ACADS: variants seen among roughly 807,000 people sequenced by gnomAD.
ACADS encodes the protein short-chain specific acyl-CoA dehydrogenase, mitochondrial.
Under a neutral mutation model 46.8 loss-of-function variants are expected in ACADS, and 28 were observed. The ratio of observed to expected loss-of-function variants is 0.60; its 90% CI spans 0.44 to 0.82. The LOEUF is 0.82. Among genes scored for constraint, ACADS ranks in the 40% least tolerant of loss-of-function variants. ACADS has a pLI of 0.00. For synonymous variants in ACADS, 236 were observed against 237.7 expected, an observed-to-expected ratio of 0.99 and a Z score of 0.07; for missense variants, 528 against 578.0, an observed-to-expected ratio of 0.91 and a Z score of 0.89.
In ACADS at chr12:120,736,920, G is replaced by C. The variant is rs1592939256; in HGVS notation, c.211-66G>C. On this transcript the variant is annotated intron_variant, in intron 2 of 9. Coordinates refer to ENST00000242592, the MANE Select transcript of ACADS (RefSeq NM_000017.4). ...CACTGCCTCGGGGGCAGGAGGGTTT[G>C]GGCTTGGGGAGGGTGGGCTCGCCCC... The C allele has an allele frequency of 8.6e-6, 13 of 1,513,488 alleles. No individual in the cohort carries two copies. In the East Asian group the frequency reaches 3.1e-4, roughly 37 times the overall value. The allele number at this position is 1,513,488 out of a possible 1,614,324, so 93.8% of individuals were successfully genotyped here. A position where few individuals can be genotyped will look rare whatever the true frequency, so the allele number is the denominator to read the frequency against.
chr12:120,737,419 C>A lies in ACADS; in HGVS notation c.424C>A (p.Pro142Thr). The change falls in exon 4 of 10, where the codon CCT (proline) becomes ACT (threonine). Residue 142 changes from proline (P) to threonine (T), a missense_variant. Coordinates refer to ENST00000242592, the MANE Select transcript of ACADS (RefSeq NM_000017.4). ...GGAGCAGAAGCAGGCGTGGGTCACGCCTTTCACCAGTGGTGACAAAATTGG... is the reference window on the plus strand; with the variant it reads ...GGAGCAGAAGCAGGCGTGGGTCACGACTTTCACCAGTGGTGACAAAATTGG... The part of the protein sequence containing the change: ...SKEQKQAWVT[P>T]FTSGDKIGCF... 6.2e-7 allele frequency: 1 copy of A among 1,614,184 alleles called. No individual in the cohort carries two copies. The highest frequency in any genetic ancestry group is 8.5e-7 in the Non-Finnish European group (1 of 1,180,028).
At chr12:120,733,637 C>T (rs983049819) in intron 2 of ACADS, among the ~76,000 whole-genome samples, 8 of 151,152 alleles carry the variant, frequency 5.3e-5, no homozygotes, top group African/African-American at 2.0e-4. Flanking sequence ...GACCCCCCTC[C>T]CCAGGTGTGT....
chr12:120,739,981 TGTGG>T lies in ACADS; in HGVS notation c.*536_*539del, dbSNP rs1883610052. On this transcript the variant is annotated 3_prime_UTR_variant, in exon 10 of 10. Transcript: ENST00000242592. ...TGGTGATTCATGCTGTGTGACTGAC[TGTGG>T]GTAATAAACACACCTGTCCCCCAGT... 1 of 167,716 alleles carries T rather than the reference TGTGG, an allele frequency of 6.0e-6. No homozygotes were observed. Among genetic ancestry groups the T allele is most frequent in the Admixed American group, 5.7e-5 (1 of 17,590 alleles). 10.4% of individuals were successfully genotyped at this position (167,716 alleles called of 1,614,324 possible).
At chr12:120,731,776 A>G (rs1225009574) in intron 2 of ACADS, among the ~76,000 whole-genome samples, 3 of 151,680 alleles carry the variant, frequency 2.0e-5, no homozygotes, top group African/African-American at 4.8e-5. Context: ...TAGGCAGAGG[A>G]CCCTGCGGCC....
At chr12:120,727,216 G>A (rs560901395) in intron 2 of ACADS, 27 bp downstream of exon 2, 13 of 1,613,516 alleles carry the variant, frequency 8.1e-6, no homozygotes, top group East Asian at 2.2e-5. Flanking sequence ...AGCAGCCCAC[G>A]ATAGTGGTCT....
intron 2 of ACADS, among the ~76,000 whole-genome samples, chr12:120,734,469 G>A (rs889066678): frequency 2.0e-5 from 3 of 152,142 alleles, no homozygotes; most frequent in South Asian, 2.1e-4. Flanking sequence ...ATGACGCTCC[G>A]CCCCGCACTT....
rs11405010 is a variant in ACADS, at chr12:120,733,850, CA to C, written c.211-3118del. Reference sequence around the variant, plus strand: ...CAACATAGCAAGACCCCATCTCTACCAAAAAAAAAAAAAAAAAATAGAAAAA... The same window carrying C: ...CAACATAGCAAGACCCCATCTCTACCAAAAAAAAAAAAAAAAATAGAAAAA... On this transcript the variant is annotated intron_variant, in intron 2 of 9. Coordinates refer to ENST00000242592, the MANE Select transcript of ACADS (RefSeq NM_000017.4). Among the ~76,000 whole-genome samples the C allele has an allele frequency of 8.5e-3, 1,021 of 119,650 alleles. 4 individuals are homozygous for C. The highest frequency in any genetic ancestry group is 0.017 in the Admixed American group (193 of 11,630). The allele number at this position is 119,650 out of a possible 152,430, so 78.5% of individuals were successfully genotyped here. A position where few individuals can be genotyped will look rare whatever the true frequency, so the allele number is the denominator to read the frequency against.
At position 120,739,704 on chromosome 12, in the gene ACADS, G is replaced by A; in HGVS notation, c.*256G>A. The A allele has an allele frequency of 5.4e-6, 3 of 554,166 alleles. No homozygotes were observed. Among genetic ancestry groups the A allele is most frequent in the Non-Finnish European group, 9.7e-6 (3 of 309,236 alleles). The allele number at this position is 554,166 out of a possible 1,614,324, so 34.3% of individuals were successfully genotyped here. ...GTGGCCCTGGCCTCCTGGGGGCGGG[G>A]TTGTGGGGGGGCTGAGCGACACTCA... On this transcript the variant is annotated 3_prime_UTR_variant, in exon 10 of 10. Transcript: ENST00000242592.
In ACADS at chr12:120,730,626, T is replaced by C. The variant is rs1222140088; in HGVS notation, c.210+3437T>C. ...CGTGTGACCAAGCATTTTAGGTGAGTATGAGGAACTGAACGCACCTAGGAG... is the reference window on the plus strand; with the variant it reads ...CGTGTGACCAAGCATTTTAGGTGAGCATGAGGAACTGAACGCACCTAGGAG... On this transcript the variant is annotated intron_variant, in intron 2 of 9. Transcript: ENST00000242592. Among the ~76,000 whole-genome samples, 4 of 152,238 alleles carry C rather than the reference T, an allele frequency of 2.6e-5. No homozygotes were observed. The East Asian group carries it at 5.8e-4, about 22-fold the overall frequency.
In ACADS at chr12:120,727,274, G is replaced by A. The variant is rs114162245; in HGVS notation, c.210+85G>A. 7.4e-4 allele frequency: 1,162 copies of A among 1,568,922 alleles called. 1 individual carries two copies. Among genetic ancestry groups the A allele is most frequent in the African/African-American group, 2.0e-3 (147 of 74,058 alleles). ...GTGGCAGTGACAGTCAGCGGCACTC[G>A]GACTCTGGTAGAGGAACCCCAAAGC... is the stretch of plus-strand genomic sequence containing the variant. On this transcript the variant is annotated intron_variant, in intron 2 of 9. Coordinates refer to ENST00000242592, the MANE Select transcript of ACADS (RefSeq NM_000017.4).
chr12:120,733,985 A>G (rs1592937491), intron 2 of ACADS, among the ~76,000 whole-genome samples: 1 of 152,132 alleles, frequency 6.6e-6, no homozygotes, highest in Non-Finnish European at 1.5e-5. Context: ...CATCGGCAGG[A>G]CTGAGTTCCC....
rs539219309 is a variant in ACADS, at chr12:120,738,551, C to T, written c.814C>T (p.Arg272Cys). Residue 272 changes from arginine to cysteine, a missense_variant, in exon 7 of 10, where the codon CGC becomes TGC. Arg to Cys is a radical substitution (Grantham distance 180). Coordinates refer to ENST00000242592, the MANE Select transcript of ACADS (RefSeq NM_000017.4). Reference sequence around the variant, plus strand: ...CCCACAGCAAACCCTGGACATGGGCCGCATCGGCATCGCCTCCCAGGCCCT... The same window carrying T: ...CCCACAGCAAACCCTGGACATGGGCTGCATCGGCATCGCCTCCCAGGCCCT... ...KIAMQTLDMG[R>C]IGIASQALGI... is the part of the protein sequence containing the mutation. 110 of 1,610,680 alleles carry T rather than the reference C, an allele frequency of 6.8e-5. No individual in the cohort carries two copies. Among genetic ancestry groups the T allele is most frequent in the South Asian group, 8.8e-5 (8 of 91,088 alleles).
chr12:120,736,712 G>A (rs2136947860), intron 2 of ACADS, among the ~76,000 whole-genome samples: 1 of 152,324 alleles, frequency 6.6e-6, no homozygotes, highest in East Asian at 1.9e-4. Context: ...AAAGCATCCT[G>A]TGCCTTCTGC....
At chr12:120,737,500 G>A in intron 4 of ACADS, 33 bp downstream of exon 4, 1 of 1,575,926 alleles carries the variant, frequency 6.3e-7, no homozygotes, top group Non-Finnish European at 8.7e-7. Flanking sequence ...TGTCCTTAGG[G>A]TGACAGGCCC....
Position 120,737,908 on chromosome 12 carries a change from A to C in ACADS, c.544A>C (p.Thr182Pro). 1 of 1,613,882 alleles carries C rather than the reference A, an allele frequency of 6.2e-7. No homozygotes were observed. Among genetic ancestry groups the C allele is most frequent in the Non-Finnish European group, 8.5e-7 (1 of 1,179,966 alleles). ...GGGCGACTCATGGGTTCTGAATGGA[A>C]CCAAAGCCTGGATCACCAATGCCTG... ...AEGDSWVLNG[T>P]KAWITNAWEA... The change falls in exon 5 of 10, where the codon ACC (threonine) becomes CCC (proline). Residue 182 changes from threonine (T) to proline (P), a missense_variant. By Grantham distance (38) the Thr-to-Pro change is conservative. Transcript: ENST00000242592.
At chr12:120,733,021 A>G (rs1459792613) in intron 2 of ACADS, among the ~76,000 whole-genome samples, 9 of 152,222 alleles carry the variant, frequency 5.9e-5, no homozygotes, top group Admixed American at 2.6e-4. Context: ...GGAGCTGGAG[A>G]CCAGCCTGGC....
intron 1 of ACADS, 55 bp downstream of exon 1, chr12:120,725,986 G>T: frequency 6.8e-7 from 1 of 1,481,022 alleles, no homozygotes; most frequent in South Asian, 1.3e-5. Flanking sequence ...TGGCCCAGCG[G>T]GCGGAGGTCC....
chr12:120,738,496 C>T (rs928764400), intron 6 of ACADS, 37 bp from the exon 7 acceptor site: 4 of 1,605,766 alleles, frequency 2.5e-6, no homozygotes, highest in Non-Finnish European at 2.5e-6. Context: ...GGCCCGCGCC[C>T]CGGCTGGCGG....
chr12:120,730,813 C>G (rs1883226204), intron 2 of ACADS, among the ~76,000 whole-genome samples: 1 of 152,074 alleles, frequency 6.6e-6, no homozygotes, highest in Admixed American at 6.6e-5. Context: ...CCAGGGAGAT[C>G]TGAAGGTGCT....
Sources: allele counts gnomAD v4.1 joint callset (sites outside exome capture counted in the v4.1 genomes callset), GRCh38; gene constraint gnomAD v4.1.1; transcripts MANE v1.5; gene names NCBI Gene and HGNC (gene_info 2026-07-23, HGNC 2026-07-21).